Variants in ARL2BP observed in about 807,000 individuals in gnomAD.
ARL2BP encodes ADP-ribosylation factor-like protein 2-binding protein.
ARL2BP carries 19 observed loss-of-function variants against 24.2 expected under a neutral mutation model. The observed-to-expected ratio is 0.79, with a 90% CI of 0.55 to 1.15. ARL2BP has a LOEUF of 1.15. Ranked by LOEUF, ARL2BP falls within the 50% of genes most tolerant of loss-of-function variation. The pLI is 0.00. For missense variants in ARL2BP, 160 were observed against 190.4 expected, an observed-to-expected ratio of 0.84 and a Z score of 0.94; for synonymous variants, 56 against 70.5, an observed-to-expected ratio of 0.79 and a Z score of 1.03.
chr16:57,249,470 A>C (rs2075400769), intron 3 of ARL2BP: 1 of 364,846 alleles, frequency 2.7e-6, no homozygotes, highest in Non-Finnish European at 5.0e-6. Flanking sequence ...GCCCCCACTT[A>C]CTGCATCCTG....
chr16:57,252,927 T>C lies in ARL2BP; in HGVS notation c.*660T>C, dbSNP rs1343887369. 6.5e-6 allele frequency: 1 copy of C among 152,996 alleles called. No homozygotes were observed. Among genetic ancestry groups the C allele is most frequent in the South Asian group, 2.1e-4 (1 of 4,840 alleles). The allele number at this position is 152,996 out of a possible 1,614,324, so 9.5% of individuals were successfully genotyped here. A position where few individuals can be genotyped will look rare whatever the true frequency, so the allele number is the denominator to read the frequency against. ...GTCCCACTGTTTCTAGAAGTCTCTT[T>C]TAAGCATTATTTTTGAAAAAAAAAA... is the stretch of plus-strand genomic sequence containing the variant. On this transcript the variant is annotated 3_prime_UTR_variant, in exon 6 of 6. Coordinates refer to ENST00000219204, the MANE Select transcript of ARL2BP (RefSeq NM_012106.4).
chr16:57,247,287 T>C (rs982299736), intron 2 of ARL2BP: 10 of 152,218 alleles, frequency 6.6e-5, no homozygotes, highest in Admixed American at 2.6e-4. Flanking sequence ...CTATATGCTA[T>C]GGGAAAATGA....
At chr16:57,245,451 C>A (rs1156308073) in intron 1 of ARL2BP, 46 bp downstream of exon 1, 10 of 1,592,908 alleles carry the variant, frequency 6.3e-6, no homozygotes, top group Non-Finnish European at 8.5e-6. Flanking sequence ...CCGGAGGCAG[C>A]GGGCGTTCGC....
In ARL2BP at chr16:57,246,783, G is replaced by C. The variant is rs191090577; in HGVS notation, c.100+642G>C. On this transcript the variant is annotated intron_variant, in intron 2 of 5. Coordinates refer to ENST00000219204, the MANE Select transcript of ARL2BP (RefSeq NM_012106.4). Reference sequence around the variant, plus strand: ...CGTGCCACTTCACTCCAGCCTGGGCGACAGAGCGAGACTCCGTCTGGAAAA... The same window carrying C: ...CGTGCCACTTCACTCCAGCCTGGGCCACAGAGCGAGACTCCGTCTGGAAAA... Among the ~76,000 whole-genome samples, 32 of 152,290 alleles carry C rather than the reference G, an allele frequency of 2.1e-4. 1 individual carries two copies. In the East Asian group the frequency reaches 5.0e-3, roughly 24 times the overall value.
chr16:57,245,725 C>T, intron 1 of ARL2BP: 1 of 519,308 alleles, frequency 1.9e-6, no homozygotes, highest in Non-Finnish European at 3.4e-6. Context: ...CCACCCCTCC[C>T]TGGCCCCCGC....
At position 57,252,211 on chromosome 16, in the gene ARL2BP, A is replaced by T; in HGVS notation, c.436A>T (p.Thr146Ser). 1.2e-6 allele frequency: 2 copies of T among 1,614,114 alleles called. No individual in the cohort carries two copies. Among genetic ancestry groups the T allele is most frequent in the South Asian group, 2.2e-5 (2 of 91,066 alleles). The change falls in exon 6 of 6, where the codon ACT becomes TCT. Residue 146 changes from threonine (T) to serine (S), a missense_variant. Thr to Ser is a moderately conservative substitution (Grantham distance 58). Coordinates refer to ENST00000219204, the MANE Select transcript of ARL2BP (RefSeq NM_012106.4). ...GLDLSSGLVV[T>S]SLCKSSSLPA... ...GGACTTAAGCAGTGGCTTAGTGGTG[A>T]CTTCATTGTGCAAATCATCTTCTCT...
Position 57,248,546 on chromosome 16 carries a change from TC to T in ARL2BP, c.112del (p.Gln38SerfsTer36), listed in dbSNP as rs1262697851. On this transcript the variant is annotated frameshift_variant, in exon 3 of 6. Coordinates refer to ENST00000219204, the MANE Select transcript of ARL2BP (RefSeq NM_012106.4). LOFTEE classifies it high-confidence loss of function. The part of the protein sequence containing the change: ...YLEDIIMDDE[F>X]QLLQRNFMDK... Reference sequence around the variant, plus strand: ...CCCCACTGTGGTTCAGATGACGAGTTCCAGTTATTACAGAGAAATTTCATGG... The same window carrying T: ...CCCCACTGTGGTTCAGATGACGAGTTCAGTTATTACAGAGAAATTTCATGG... 1 of 1,596,772 alleles carries T rather than the reference TC, an allele frequency of 6.3e-7. No individual in the cohort carries two copies. The highest frequency in any genetic ancestry group is 1.4e-5 in the African/African-American group (1 of 74,072).
At chr16:57,249,515 C>CT (rs1567526106) in intron 3 of ARL2BP, 1 of 505,190 alleles carries the variant, frequency 2.0e-6, no homozygotes, top group East Asian at 3.6e-5. Flanking sequence ...GTGCTACTCA[C>CT]TGTCTCCACC....
At chr16:57,248,460 T>C in intron 2 of ARL2BP, 77 bp from the exon 3 acceptor site, 1 of 860,758 alleles carries the variant, frequency 1.2e-6, no homozygotes, top group South Asian at 1.8e-5. Context: ...ACTGCTGACA[T>C]AGATCCTGCC....
Position 57,248,662 on chromosome 16 carries a change from C to A in ARL2BP, c.207+19C>A. 7.0e-7 allele frequency: 1 copy of A among 1,419,788 alleles called. No homozygotes were observed. The highest frequency in any genetic ancestry group is 9.6e-7 in the Non-Finnish European group (1 of 1,037,796). The allele number at this position is 1,419,788 out of a possible 1,614,324, so 87.9% of individuals were successfully genotyped here. On this transcript the variant is annotated intron_variant, in intron 3 of 5. Transcript: ENST00000219204. ...TGAATACGTAAGTAGATTTCTATGT[C>A]TCCTACCAGGAGGTCAGAGTTTTTA...
At chr16:57,245,688 T>C (rs1247533574) in intron 1 of ARL2BP, 3 of 549,150 alleles carry the variant, frequency 5.5e-6, no homozygotes, top group South Asian at 2.3e-5. Flanking sequence ...CAGCAAAGCC[T>C]GGAGGGGTTG....
chr16:57,250,537 C>T lies in ARL2BP; in HGVS notation c.390+30C>T, dbSNP rs1481647126. The T allele has an allele frequency of 3.8e-6, 6 of 1,561,796 alleles. No homozygotes were observed. The African/African-American group carries it at 8.1e-5, about 21-fold the overall frequency. Reference sequence around the variant, plus strand: ...GTTACTACTCCTATTTATTTAGCCACTTTGAGCCACTTAGAAAATTCCAGG... The same window carrying T: ...GTTACTACTCCTATTTATTTAGCCATTTTGAGCCACTTAGAAAATTCCAGG... On this transcript the variant is annotated intron_variant, in intron 5 of 5. Coordinates refer to ENST00000219204, the MANE Select transcript of ARL2BP (RefSeq NM_012106.4).
chr16:57,250,571 C>T (rs1012869056), intron 5 of ARL2BP, 64 bp downstream of exon 5: 24 of 1,358,588 alleles, frequency 1.8e-5, no homozygotes, highest in Non-Finnish European at 2.4e-5. Flanking sequence ...GGTAGAAATA[C>T]CGAACATGAA....
At chr16:57,250,747 T>C in intron 5 of ARL2BP, 1 of 529,858 alleles carries the variant, frequency 1.9e-6, no homozygotes, top group Middle Eastern at 3.0e-4. Flanking sequence ...AAAGCAGGTC[T>C]CAGGTCTCAT....
rs1262740970 is a variant in ARL2BP, at chr16:57,245,341, G to T, written c.-27G>T. ...TGCATGCGAGTTGGGCCGCGGGCGG[G>T]GTTGGAGCCTACTCGGGGCGACTGC... On this transcript the variant is annotated 5_prime_UTR_variant, in exon 1 of 6. Coordinates refer to ENST00000219204, the MANE Select transcript of ARL2BP (RefSeq NM_012106.4). 1.2e-6 allele frequency: 2 copies of T among 1,601,304 alleles called. No homozygotes were observed. Among genetic ancestry groups the T allele is most frequent in the South Asian group, 1.1e-5 (1 of 88,432 alleles).
chr16:57,250,540 T>A, intron 5 of ARL2BP, 33 bp downstream of exon 5: 1 of 1,564,290 alleles, frequency 6.4e-7, no homozygotes, highest in Non-Finnish European at 8.8e-7. Context: ...TTAGCCACTT[T>A]GAGCCACTTA....
intron 3 of ARL2BP, chr16:57,248,931 G>T: frequency 5.9e-6 from 1 of 168,342 alleles, no homozygotes; most frequent in Non-Finnish European, 1.3e-5. Flanking sequence ...GGAGGTTGAG[G>T]TGGAAGAATC....
intron 4 of ARL2BP, 138 bp from the exon 5 acceptor site, chr16:57,250,273 G>C: frequency 4.2e-6 from 3 of 712,442 alleles, no homozygotes; most frequent in Non-Finnish European, 7.2e-6. Context: ...CTGGGTGACA[G>C]AGCAAGACCC....
intron 2 of ARL2BP, 62 bp downstream of exon 2, chr16:57,246,203 T>C (rs772330581): frequency 6.3e-5 from 94 of 1,482,958 alleles, no homozygotes; most frequent in Non-Finnish European, 8.2e-5. Flanking sequence ...TTGAAATCAA[T>C]TTGGAGAGTT....
Sources: allele counts gnomAD v4.1 joint callset (sites outside exome capture counted in the v4.1 genomes callset), GRCh38; gene constraint gnomAD v4.1.1; transcripts MANE v1.5; gene names NCBI Gene and HGNC (gene_info 2026-07-23, HGNC 2026-07-21).